The following FRAS1 variants were observed in gnomAD, a reference collection of about 807,000 sequenced individuals.
The protein encoded by FRAS1 is extracellular matrix organizing protein FRAS1.
In FRAS1, 290 loss-of-function variants were observed where a neutral mutation model predicts 435.2. The ratio of observed to expected loss-of-function variants is 0.67; its 90% CI spans 0.61 to 0.73. The LOEUF (loss-of-function observed/expected upper bound fraction) is 0.73, where lower values mean the gene tolerates loss of function less well. Among genes scored for constraint, FRAS1 ranks in the 30% least tolerant of loss-of-function variants. The pLI, the probability that FRAS1 is intolerant of heterozygous loss-of-function variation, is 0.00. For synonymous variants in FRAS1, 1,800 were observed against 1,851.0 expected (o/e 0.97, Z 0.71); for missense variants, 4,860 against 5,001.5 (o/e 0.97, Z 0.85).
chr4:78,251,570 T>C (rs1473034229), intron 4 of FRAS1, among the ~76,000 whole-genome samples: 1 of 152,126 alleles, frequency 6.6e-6, no homozygotes, highest in Non-Finnish European at 1.5e-5. Flanking sequence ...GGCCAACATC[T>C]CCCTAGCCCT....
intron 2 of FRAS1, among the ~76,000 whole-genome samples, chr4:78,169,623 G>A (rs1360895535): frequency 6.6e-5 from 10 of 152,056 alleles, no homozygotes. Context: ...GCCCTCAAAT[G>A]GATGAGATGC....
chr4:78,246,965 C>T (rs1173064986), intron 4 of FRAS1, among the ~76,000 whole-genome samples: 2 of 152,172 alleles, frequency 1.3e-5, no homozygotes, highest in Non-Finnish European at 2.9e-5. Context: ...TTACCTGGCA[C>T]TTAGCACTGA....
chr4:78,329,393 T>G (rs575303773), intron 18 of FRAS1, among the ~76,000 whole-genome samples: 51 of 152,344 alleles, frequency 3.3e-4, no homozygotes, highest in African/African-American at 1.2e-3. Context: ...TAAAGAGATC[T>G]AAGAGATTTG....
At chr4:78,287,027 A>G (rs1204278535) in intron 14 of FRAS1, among the ~76,000 whole-genome samples, 1 of 152,158 alleles carries the variant, frequency 6.6e-6, no homozygotes, top group Non-Finnish European at 1.5e-5. Context: ...AGACTGGATA[A>G]TTTATGAAGA....
chr4:78,516,484 A>T (rs1055536164), intron 66 of FRAS1, among the ~76,000 whole-genome samples: 8 of 152,140 alleles, frequency 5.3e-5, no homozygotes, highest in African/African-American at 1.9e-4. Context: ...TTTTTATTTC[A>T]CACCTGTTCC....
intron 51 of FRAS1, among the ~76,000 whole-genome samples, chr4:78,471,310 T>G (rs1429536808): frequency 1.3e-5 from 2 of 152,172 alleles, no homozygotes; most frequent in Non-Finnish European, 2.9e-5. Context: ...ATGGAGCTAA[T>G]TAGTTCATTG....
At position 78,543,601 on chromosome 4, in the gene FRAS1, C is replaced by T. The variant is rs1722121758; in HGVS notation, c.*2477C>T. The T allele has an allele frequency of 1.3e-5, 2 of 152,220 alleles. No homozygotes were observed. Among genetic ancestry groups the T allele is most frequent in the African/African-American group, 4.8e-5 (2 of 41,440 alleles). The allele number at this position is 152,220 out of a possible 1,614,324, so 9.4% of individuals were successfully genotyped here. ...CCTCCCTTTCTTTCTGCCTTTCACC[C>T]CACTAAATGTATGTTATTGAATGCC... On this transcript the variant is annotated 3_prime_UTR_variant, in exon 74 of 74. Coordinates refer to ENST00000512123, the MANE Select transcript of FRAS1 (RefSeq NM_025074.7).
chr4:78,127,648 CA>C (rs1719437142), intron 2 of FRAS1, among the ~76,000 whole-genome samples: 3 of 136,870 alleles, frequency 2.2e-5, no homozygotes, highest in Admixed American at 7.5e-5. Context: ...AACAAACAAA[CA>C]AACAAACAAA....
chr4:78,395,403 C>T (rs980827990), intron 29 of FRAS1, among the ~76,000 whole-genome samples: 12 of 151,884 alleles, frequency 7.9e-5, no homozygotes, highest in African/African-American at 2.2e-4. Flanking sequence ...TTCAAGTCCT[C>T]GATTTCTTTA....
chr4:78,396,514 T>C (rs372700845), intron 29 of FRAS1, among the ~76,000 whole-genome samples: 1 of 152,222 alleles, frequency 6.6e-6, no homozygotes, highest in Non-Finnish European at 1.5e-5. Flanking sequence ...TTATTCTTGA[T>C]TGGCAGTTTT....
intron 9 of FRAS1, 72 bp downstream of exon 9, chr4:78,267,504 T>A (rs1726426444): frequency 7.1e-7 from 1 of 1,400,748 alleles, no homozygotes; most frequent in African/African-American, 1.4e-5. Flanking sequence ...GTCCTGCCTG[T>A]TCTTTACTTC....
At position 78,333,379 on chromosome 4, in the gene FRAS1, G is replaced by A; in HGVS notation, c.2245G>A (p.Asp749Asn). The A allele has an allele frequency of 1.9e-6, 3 of 1,612,036 alleles. No homozygotes were observed. The highest frequency in any genetic ancestry group is 2.5e-6 in the Non-Finnish European group (3 of 1,179,110). ...LDGQCLSQCP[D>N]GYFHQEGSCT... Reference sequence around the variant, plus strand: ...TGGGCAGTGCCTCTCCCAGTGCCCAGATGGCTACTTTCACCAGGAAGGTAG... The same window carrying A: ...TGGGCAGTGCCTCTCCCAGTGCCCAAATGGCTACTTTCACCAGGAAGGTAG... The change falls in exon 19 of 74, where the codon GAT (aspartate) becomes AAT (asparagine). Residue 749 changes from aspartate to asparagine, a missense_variant. By Grantham distance (23) the Asp-to-Asn change is conservative. Coordinates refer to ENST00000512123, the MANE Select transcript of FRAS1 (RefSeq NM_025074.7).
chr4:78,432,521 C>G lies in FRAS1; in HGVS notation c.5134C>G (p.Arg1712Gly). Reference protein sequence around the residue: ...EVSLSEDRGPRLAAGSSLSIT... With the variant: ...EVSLSEDRGPGLAAGSSLSIT... The stretch of plus-strand genomic sequence containing the variant: ...GTCCCTGTCAGAAGACCGAGGGCCT[C>G]GACTGGCTGCTGGCTCCTCTCTGAG... Residue 1712 changes from arginine (R) to glycine (G), a missense_variant, in exon 38 of 74, where the codon CGA (arginine) becomes GGA (glycine). Arg to Gly is a moderately radical substitution (Grantham distance 125, BLOSUM62 -2). Transcript: ENST00000512123. The G allele has an allele frequency of 6.2e-7, 1 of 1,612,808 alleles. No homozygotes were observed. The highest frequency in any genetic ancestry group is 8.5e-7 in the Non-Finnish European group (1 of 1,179,420).
At chr4:78,229,758 A>G (rs1017264089) in intron 2 of FRAS1, among the ~76,000 whole-genome samples, 8 of 151,910 alleles carry the variant, frequency 5.3e-5, no homozygotes, top group Non-Finnish European at 7.4e-5. Context: ...AGCCGCTCCT[A>G]TTAGCTCCTA....
chr4:78,337,701 A>C lies in FRAS1; in HGVS notation c.2306A>C (p.His769Pro), dbSNP rs747140663. 6.2e-7 allele frequency: 1 copy of C among 1,613,874 alleles called. No individual in the cohort carries two copies. Among genetic ancestry groups the C allele is most frequent in the Admixed American group, 1.7e-5 (1 of 60,028 alleles). Residue 769 changes from histidine to proline, a missense_variant, in exon 20 of 74, where the codon CAT becomes CCT. His to Pro is a moderately conservative substitution (Grantham distance 77). Coordinates refer to ENST00000512123, the MANE Select transcript of FRAS1 (RefSeq NM_025074.7). Reference protein sequence around the residue: ...TECHPTCRQCHGPLESDCISC... With the variant: ...TECHPTCRQCPGPLESDCISC... The stretch of plus-strand genomic sequence containing the variant: ...TGTCACCCAACCTGCAGGCAGTGTC[A>C]TGGGCCGTTGGAGTCTGACTGCATC...
chr4:78,106,279 T>G (rs1742432794), intron 2 of FRAS1, among the ~76,000 whole-genome samples: 1 of 84,688 alleles, frequency 1.2e-5, no homozygotes, highest in Non-Finnish European at 2.5e-5. Flanking sequence ...CTCTGTAGGC[T>G]CCACCTCTGG....
intron 2 of FRAS1, among the ~76,000 whole-genome samples, chr4:78,194,558 T>A (rs545209043): frequency 1.8e-4 from 27 of 152,242 alleles, no homozygotes; most frequent in Non-Finnish European, 3.4e-4. Flanking sequence ...TTCCAGTTGA[T>A]CGAATTGGCG....
At chr4:78,224,807 C>T (rs1004640443) in intron 2 of FRAS1, among the ~76,000 whole-genome samples, 8 of 152,174 alleles carry the variant, frequency 5.3e-5, no homozygotes, top group Admixed American at 3.3e-4. Flanking sequence ...GCTGAGATTA[C>T]AGACATAAGC....
At chr4:78,343,593 T>G (rs1730485465) in intron 20 of FRAS1, among the ~76,000 whole-genome samples, 1 of 152,202 alleles carries the variant, frequency 6.6e-6, no homozygotes, top group Non-Finnish European at 1.5e-5. Context: ...TTTTGAGTCC[T>G]TTCCATGATT....
Sources: gnomAD v4.1 joint callset for allele counts (sites outside exome capture counted in the v4.1 genomes callset) on GRCh38, gnomAD v4.1.1 for gene constraint, MANE v1.5 for transcripts, NCBI Gene and HGNC (gene_info 2026-07-23, HGNC 2026-07-21) for gene names.